The following RPRD2 variants were observed in gnomAD, a reference collection of about 807,000 sequenced individuals.
RPRD2 encodes the protein regulation of nuclear pre-mRNA domain containing 2, also known as regulation of nuclear pre-mRNA domain-containing protein 2.
Under a neutral mutation model 104.4 loss-of-function variants are expected in RPRD2, and 12 were observed. The observed-to-expected ratio is 0.11, with a 90% CI of 0.07 to 0.19. The LOEUF is 0.19. Among genes scored for constraint, RPRD2 ranks in the 10% least tolerant of loss-of-function variants. The probability of loss-of-function intolerance (pLI) is 1.00; values close to 1 mark genes in which losing one functional copy is unlikely to be tolerated. For synonymous variants in RPRD2, 714 were observed against 684.9 expected, an observed-to-expected ratio of 1.04 and a Z score of -0.66; for missense variants, 1,543 against 1,790.1, an observed-to-expected ratio of 0.86 and a Z score of 2.49.
chr1:150,394,347 G>A (rs1662324123), intron 1 of RPRD2, among the ~76,000 whole-genome samples: 1 of 152,048 alleles, frequency 6.6e-6, no homozygotes, highest in Non-Finnish European at 1.5e-5. Context: ...ACTGCACCAG[G>A]CCTGAATTAA....
intron 1 of RPRD2, among the ~76,000 whole-genome samples, chr1:150,394,001 A>G (rs1662293355): frequency 1.3e-5 from 2 of 152,216 alleles, no homozygotes; most frequent in African/African-American, 4.8e-5. Context: ...TGCGCTTTAT[A>G]TCGGCTGGTG....
At chr1:150,469,282 A>C (rs754428222) in intron 10 of RPRD2, among the ~76,000 whole-genome samples, 3 of 152,128 alleles carry the variant, frequency 2.0e-5, no homozygotes, top group Non-Finnish European at 2.9e-5. Context: ...TTTTTTAATT[A>C]ATTTATTTTT....
intron 1 of RPRD2, among the ~76,000 whole-genome samples, chr1:150,404,552 A>G (rs1663315337): frequency 6.6e-6 from 1 of 152,062 alleles, no homozygotes; most frequent in Non-Finnish European, 1.5e-5. Context: ...ACCTGGCCTA[A>G]GAAGTCTGTT....
intron 2 of RPRD2, among the ~76,000 whole-genome samples, chr1:150,426,404 G>A (rs587651343): frequency 7.9e-5 from 12 of 152,184 alleles, no homozygotes; most frequent in Admixed American, 6.5e-4. Context: ...TAACTTTCTC[G>A]TGCTTCAGTT....
intron 2 of RPRD2, among the ~76,000 whole-genome samples, chr1:150,434,879 A>G (rs782069789): frequency 1.3e-5 from 2 of 152,176 alleles, no homozygotes; most frequent in South Asian, 4.1e-4. Flanking sequence ...AACATGGGGA[A>G]ATGTTTGTTA....
At chr1:150,416,985 G>T (rs1553888719) in intron 1 of RPRD2, among the ~76,000 whole-genome samples, 1 of 152,052 alleles carries the variant, frequency 6.6e-6, no homozygotes, top group Admixed American at 6.6e-5. Flanking sequence ...CAGCAGCAGA[G>T]CCTCCCTCCA....
At position 150,459,366 on chromosome 1, in the gene RPRD2, T is replaced by C. The variant is rs781886479; in HGVS notation, c.1154-694T>C. 2.6e-5 allele frequency among the ~76,000 whole-genome samples: 4 copies of C among 152,186 alleles called. No individual in the cohort carries two copies. The South Asian group carries it at 8.3e-4, about 32-fold the overall frequency. ...CCAGAGGAAAATACAATGAACACTA[T>C]AGAGGTTCTGTTTCTAAGAACAGAA... On this transcript the variant is annotated intron_variant, in intron 8 of 10. Coordinates refer to ENST00000369068, the MANE Select transcript of RPRD2 (RefSeq NM_015203.5).
rs782644683 is a variant in RPRD2 at position 150,364,864 on chromosome 1, G to T, written c.150G>T (p.Glu50Asp). The change falls in exon 1 of 11, where the codon GAG (glutamate) becomes GAT (aspartate). Residue 50 changes from glutamate to aspartate, a missense_variant. By Grantham distance (45) the Glu-to-Asp change is conservative. Coordinates refer to ENST00000369068, the MANE Select transcript of RPRD2 (RefSeq NM_015203.5). Reference protein sequence around the residue: ...SIQGLSSWCIENKKHHSTIVY... With the variant: ...SIQGLSSWCIDNKKHHSTIVY... Reference sequence around the variant, plus strand: ...AAGGCTTGTCGTCTTGGTGTATAGAGAACAAAAAACACCACAGTACTATCG... The same window carrying T: ...AAGGCTTGTCGTCTTGGTGTATAGATAACAAAAAACACCACAGTACTATCG... 1 of 1,613,960 alleles carries T rather than the reference G, an allele frequency of 6.2e-7. No individual in the cohort carries two copies. The highest frequency in any genetic ancestry group is 1.3e-5 in the African/African-American group (1 of 75,038).
Position 150,471,148 on chromosome 1 carries a change from A to G in RPRD2, c.2200A>G (p.Thr734Ala). 1 of 1,613,756 alleles carries G rather than the reference A, an allele frequency of 6.2e-7. No homozygotes were observed. The highest frequency in any genetic ancestry group is 8.5e-7 in the Non-Finnish European group (1 of 1,179,830). ...ACGGGATGAACGGAGTGGGACACCCACCCAGGATGAGATGATGGACAAGCC... is the reference window on the plus strand; with the variant it reads ...ACGGGATGAACGGAGTGGGACACCCGCCCAGGATGAGATGATGGACAAGCC... Reference protein sequence around the residue: ...PVRDERSGTPTQDEMMDKPTS... With the variant: ...PVRDERSGTPAQDEMMDKPTS... Residue 734 changes from threonine (T) to alanine (A), a missense_variant, in exon 11 of 11, where the codon ACC (threonine) becomes GCC (alanine). Thr to Ala is a moderately conservative substitution (Grantham distance 58). Transcript: ENST00000369068. The surrounding 1 kb of genome is among the most constrained non-coding windows in gnomAD (Gnocchi z 5.3).
intron 1 of RPRD2, among the ~76,000 whole-genome samples, chr1:150,413,754 C>G (rs982003213): frequency 1.1e-4 from 17 of 151,444 alleles, no homozygotes; most frequent in Non-Finnish European, 2.1e-4. Flanking sequence ...AGAGAAACCC[C>G]GTCTCTACTT....
chr1:150,452,701 A>G (rs761130983), intron 7 of RPRD2, among the ~76,000 whole-genome samples: 15 of 91,550 alleles, frequency 1.6e-4, no homozygotes, highest in African/African-American at 5.2e-4. Flanking sequence ...CGAACTTTCC[A>G]CTCTTGTTGC....
chr1:150,422,367 T>TAATAATAATAATAATAATAAG (rs1407375626), intron 2 of RPRD2, among the ~76,000 whole-genome samples: 1 of 111,996 alleles, frequency 8.9e-6, no homozygotes, highest in Non-Finnish European at 1.8e-5. Context: ...ATAATAATAA[T>TAATAATAATAATAATAATAAG]AAATAAAATT....
intron 9 of RPRD2, among the ~76,000 whole-genome samples, chr1:150,460,520 A>G (rs1272175361): frequency 6.6e-6 from 1 of 151,772 alleles, no homozygotes; most frequent in Non-Finnish European, 1.5e-5. Flanking sequence ...CTGCTGCTTC[A>G]GCCTCCCAAG....
intron 1 of RPRD2, among the ~76,000 whole-genome samples, chr1:150,376,407 A>C (rs1240109672): frequency 6.6e-6 from 1 of 152,182 alleles, no homozygotes; most frequent in Non-Finnish European, 1.5e-5. Flanking sequence ...ATTATAACTT[A>C]ACATTTTTTG....
intron 2 of RPRD2, among the ~76,000 whole-genome samples, chr1:150,421,043 CA>C: frequency 6.6e-6 from 1 of 152,242 alleles, no homozygotes; most frequent in Middle Eastern, 3.4e-3. Flanking sequence ...AGTACAGAAA[CA>C]AATGGGTATG....
In RPRD2 at chr1:150,472,916, T is replaced by C. The variant is rs1386610936; in HGVS notation, c.3968T>C (p.Val1323Ala). ...CACGGAGTGGCAGGGGCTGTGGCAG[T>C]ATTTCCCAAGGACCATAGTTCCCTC... ...AEHGVAGAVA[V>A]FPKDHSSLLQ... is the part of the protein sequence containing the mutation. The change falls in exon 11 of 11, where the codon GTA becomes GCA. Residue 1323 changes from valine (V) to alanine (A), a missense_variant. Val to Ala is a moderately conservative substitution (Grantham distance 64, BLOSUM62 0). Transcript: ENST00000369068. The C allele has an allele frequency of 6.2e-7, 1 of 1,612,840 alleles. No individual in the cohort carries two copies. Among genetic ancestry groups the C allele is most frequent in the Non-Finnish European group, 8.5e-7 (1 of 1,179,474 alleles).
chr1:150,462,058 C>T (rs894830560), intron 9 of RPRD2, among the ~76,000 whole-genome samples: 2 of 151,678 alleles, frequency 1.3e-5, no homozygotes, highest in African/African-American at 2.4e-5. Context: ...CCAAGGCAGG[C>T]GGATCACCTG....
chr1:150,394,069 G>A (rs1176582818), intron 1 of RPRD2, among the ~76,000 whole-genome samples: 1 of 151,952 alleles, frequency 6.6e-6, no homozygotes, highest in Non-Finnish European at 1.5e-5. Flanking sequence ...CTTTTGAGAC[G>A]GAATTTCACT....
At position 150,468,139 on chromosome 1, in the gene RPRD2, C is replaced by CA. The variant is rs1356125134; in HGVS notation, c.1613-2415dup. Among the ~76,000 whole-genome samples the CA allele has an allele frequency of 2.6e-5, 4 of 151,770 alleles. No individual in the cohort carries two copies. In the East Asian group the frequency reaches 7.7e-4, roughly 29 times the overall value. On this transcript the variant is annotated intron_variant, in intron 10 of 10. Coordinates refer to ENST00000369068, the MANE Select transcript of RPRD2 (RefSeq NM_015203.5). ...CTGGGCGACGAGCAAAACTCTGTCT[C>CA]AAAAAAAGAGAAACTTCAGTGGGCA...
Sources: allele counts gnomAD v4.1 joint callset (sites outside exome capture counted in the v4.1 genomes callset), GRCh38; gene constraint gnomAD v4.1.1; non-coding constraint Gnocchi (gnomAD v3.1); transcripts MANE v1.5; gene names NCBI Gene and HGNC (gene_info 2026-07-23, HGNC 2026-07-21).